Variants in AUTS2 observed in about 807,000 individuals in gnomAD.
AUTS2 encodes activator of transcription and developmental regulator AUTS2.
Under a neutral mutation model 112.4 loss-of-function variants are expected in AUTS2, and 17 were observed. The ratio of observed to expected loss-of-function variants is 0.15; its 90% CI spans 0.10 to 0.23. The LOEUF (loss-of-function observed/expected upper bound fraction) is 0.23. Ranked by LOEUF, AUTS2 falls within the 10% of genes least tolerant of loss-of-function variation. AUTS2 has a pLI of 1.00. For synonymous variants in AUTS2, 751 were observed against 702.7 expected, an observed-to-expected ratio of 1.07 and a Z score of -1.09; for missense variants, 1,510 against 1,701.6, an observed-to-expected ratio of 0.89 and a Z score of 1.98.
At chr7:70,721,423 C>T (rs1340119627) in intron 6 of AUTS2, among the ~76,000 whole-genome samples, 1 of 152,092 alleles carries the variant, frequency 6.6e-6, no homozygotes, top group East Asian at 1.9e-4. Context: ...CTCAGCCTCC[C>T]GAGTAGCTGG....
intron 1 of AUTS2, among the ~76,000 whole-genome samples, chr7:69,866,536 A>G (rs904750077): frequency 1.3e-5 from 2 of 152,162 alleles, no homozygotes; most frequent in African/African-American, 4.8e-5. Context: ...GATGATCATC[A>G]TTTTGATAGC....
intron 2 of AUTS2, among the ~76,000 whole-genome samples, chr7:69,999,119 A>G (rs563943143): frequency 6.6e-6 from 1 of 152,286 alleles, no homozygotes; most frequent in Admixed American, 6.5e-5. Context: ...ATTATCATGG[A>G]TTTGATTATG....
chr7:69,790,807 C>G (rs938255737), intron 1 of AUTS2, among the ~76,000 whole-genome samples: 14 of 152,242 alleles, frequency 9.2e-5, no homozygotes, highest in Admixed American at 4.6e-4. Flanking sequence ...TTGAACATCT[C>G]TAAATTACCT....
At chr7:70,693,865 G>A (rs1364983412) in intron 5 of AUTS2, among the ~76,000 whole-genome samples, 1 of 152,122 alleles carries the variant, frequency 6.6e-6, no homozygotes, top group Non-Finnish European at 1.5e-5. Flanking sequence ...GGGGGGAGCC[G>A]AGGGCTCGAG....
intron 2 of AUTS2, among the ~76,000 whole-genome samples, chr7:69,988,985 A>T (rs1409650425): frequency 2.0e-5 from 3 of 152,216 alleles, no homozygotes; most frequent in Non-Finnish European, 4.4e-5. Flanking sequence ...AAGAAAGACA[A>T]GGAGATGCAA....
chr7:70,635,255 A>G (rs1459360643), intron 5 of AUTS2, among the ~76,000 whole-genome samples: 3 of 152,214 alleles, frequency 2.0e-5, no homozygotes, highest in Admixed American at 1.3e-4. Flanking sequence ...TTTCAAGGAC[A>G]TGACATTCAG....
intron 5 of AUTS2, among the ~76,000 whole-genome samples, chr7:70,650,893 G>A (rs1237289669): frequency 6.6e-6 from 1 of 152,200 alleles, no homozygotes; most frequent in Non-Finnish European, 1.5e-5. Context: ...ATTGATTGAT[G>A]ACCAGAGTTC....
At chr7:70,250,794 A>G (rs1786550003) in intron 4 of AUTS2, among the ~76,000 whole-genome samples, 2 of 152,136 alleles carry the variant, frequency 1.3e-5, no homozygotes, top group African/African-American at 4.8e-5. Flanking sequence ...GTTCTCACCT[A>G]TGAGTGGGAG....
chr7:69,651,714 T>C (rs1033440341), intron 1 of AUTS2, among the ~76,000 whole-genome samples: 4 of 152,250 alleles, frequency 2.6e-5, no homozygotes, highest in African/African-American at 9.6e-5. Flanking sequence ...GTTTCTATTC[T>C]GTGGATTTTG....
At chr7:70,688,955 T>A (rs1247714559) in intron 5 of AUTS2, among the ~76,000 whole-genome samples, 3 of 152,272 alleles carry the variant, frequency 2.0e-5, no homozygotes, top group Admixed American at 2.0e-4. Flanking sequence ...TGCTATTTTA[T>A]GTTTTAAGAA....
intron 4 of AUTS2, among the ~76,000 whole-genome samples, chr7:70,227,927 G>C (rs1316794339): frequency 6.6e-6 from 1 of 151,984 alleles, no homozygotes; most frequent in Non-Finnish European, 1.5e-5. Flanking sequence ...AGTGTTCTTA[G>C]GTCAGTTTGT....
chr7:70,306,661 A>T (rs1176136986), intron 4 of AUTS2, among the ~76,000 whole-genome samples: 3 of 152,196 alleles, frequency 2.0e-5, no homozygotes, highest in Non-Finnish European at 2.9e-5. Flanking sequence ...GATGCGTAGA[A>T]CTTTCAGTCT....
rs1220742419 is a variant in AUTS2, at chr7:69,733,374, G to A, written c.309+133412G>A. On this transcript the variant is annotated intron_variant, in intron 1 of 18. Transcript: ENST00000342771. ...CAGGATAAATTTGCATTAGAACTTAGTGTCTCAGAGTCTTCGATTACATGA... is the reference window on the plus strand; with the variant it reads ...CAGGATAAATTTGCATTAGAACTTAATGTCTCAGAGTCTTCGATTACATGA... 2.0e-5 allele frequency among the ~76,000 whole-genome samples: 3 copies of A among 152,172 alleles called. No homozygotes were observed. In the East Asian group the frequency reaches 5.8e-4, roughly 29 times the overall value.
intron 12 of AUTS2, 78 bp from the exon 13 acceptor site, chr7:70,775,279 G>A (rs1790613062): frequency 8.5e-7 from 1 of 1,175,812 alleles, no homozygotes; most frequent in Non-Finnish European, 1.3e-6. Flanking sequence ...CCCTCCTAAT[G>A]AAGCACTACA....
intron 2 of AUTS2, among the ~76,000 whole-genome samples, chr7:69,919,985 A>G (rs1795744099): frequency 6.9e-6 from 1 of 144,934 alleles, no homozygotes. Flanking sequence ...AAAAACGTAA[A>G]TGAAGTGGTC....
chr7:69,845,547 C>T (rs1056699911), intron 1 of AUTS2, among the ~76,000 whole-genome samples: 2 of 152,152 alleles, frequency 1.3e-5, no homozygotes, highest in African/African-American at 4.8e-5. Context: ...GACTTTAGTG[C>T]ATCCTTGGTT....
intron 1 of AUTS2, among the ~76,000 whole-genome samples, chr7:69,845,381 G>A (rs1252520795): frequency 7.2e-5 from 11 of 152,216 alleles, no homozygotes; most frequent in Middle Eastern, 3.4e-3. Flanking sequence ...CTTGATTGGC[G>A]TAGATCACTC....
intron 4 of AUTS2, among the ~76,000 whole-genome samples, chr7:70,135,715 A>C (rs746652628): frequency 7.2e-5 from 11 of 152,186 alleles, no homozygotes; most frequent in Non-Finnish European, 8.8e-5. Context: ...GGACCTGCTT[A>C]ATACAGTTAG....
At chr7:70,413,877 G>A (rs1794881283) in intron 4 of AUTS2, among the ~76,000 whole-genome samples, 1 of 152,034 alleles carries the variant, frequency 6.6e-6, no homozygotes, top group Admixed American at 6.5e-5. Context: ...ATTTCACCAT[G>A]TTGCCCAGGC....
Sources: allele counts gnomAD v4.1 joint callset (sites outside exome capture counted in the v4.1 genomes callset), GRCh38; gene constraint gnomAD v4.1.1; transcripts MANE v1.5; gene names NCBI Gene and HGNC (gene_info 2026-07-23, HGNC 2026-07-21).